The following SPG11 variants were observed in gnomAD, a reference collection of about 807,000 sequenced individuals.
SPG11 encodes SPG11 vesicle trafficking associated, spatacsin, also known as spatacsin.
SPG11 carries 222 observed loss-of-function variants against 274.0 expected under a neutral mutation model. The observed-to-expected ratio is 0.81, with a 90% CI of 0.73 to 0.91. The LOEUF (loss-of-function observed/expected upper bound fraction) is 0.91. Ranked by LOEUF, SPG11 falls within the 40% of genes least tolerant of loss-of-function variation. SPG11 has a pLI of 0.00. For synonymous variants in SPG11, 1,144 were observed against 1,039.7 expected (o/e 1.10, Z -1.93); for missense variants, 3,114 against 2,872.7 (o/e 1.08, Z -1.92).
At chr15:44,617,838 G>A (rs2141019250) in intron 15 of SPG11, among the ~76,000 whole-genome samples, 1 of 152,092 alleles carries the variant, frequency 6.6e-6, no homozygotes, top group Admixed American at 6.5e-5. Context: ...ACCACGCCCA[G>A]CTAATTTTTG....
chr15:44,651,752 G>C lies in SPG11; in HGVS notation c.1195C>G (p.Leu399Val). The change falls in exon 6 of 40, where the codon CTA becomes GTA. Residue 399 changes from leucine (L) to valine (V), a missense_variant. Physicochemically the swap from Leu to Val is conservative, Grantham distance 32. Transcript: ENST00000261866. Reference sequence around the variant, plus strand: ...CTGGTCTTGGCATGATCTTTCTGTAGAACATTATATTGCCCATGCATTATG... The same window carrying C: ...CTGGTCTTGGCATGATCTTTCTGTACAACATTATATTGCCCATGCATTATG... ...QDIMHGQYNV[L>V]QKDHAKTSDP... The C allele has an allele frequency of 6.2e-7, 1 of 1,614,160 alleles. No individual in the cohort carries two copies. The highest frequency in any genetic ancestry group is 8.5e-7 in the Non-Finnish European group (1 of 1,180,038).
chr15:44,618,913 G>C (rs1374087065), intron 15 of SPG11, among the ~76,000 whole-genome samples: 1 of 151,996 alleles, frequency 6.6e-6, no homozygotes, highest in African/African-American at 2.4e-5. Context: ...ATGCTTTTCT[G>C]TATCTAACAG....
At position 44,600,595 on chromosome 15, in the gene SPG11, G is replaced by C. The variant is rs201902382; in HGVS notation, c.3558C>G (p.Asp1186Glu). Residue 1186 changes from aspartate to glutamate, a missense_variant, in exon 21 of 40, where the codon GAC becomes GAG. Transcript: ENST00000261866. ...WSHLPHFSSPDLVNKYAIVER... is the reference protein window; with the variant it reads ...WSHLPHFSSPELVNKYAIVER... ...CCACTATAGCATATTTATTAACCAG[G>C]TCAGGGCTAGAGAAATGTGGGAGAT... is the stretch of plus-strand genomic sequence containing the variant. The C allele has an allele frequency of 4.2e-5, 68 of 1,614,012 alleles. No individual in the cohort carries two copies. Among genetic ancestry groups the C allele is most frequent in the Admixed American group, 2.7e-4 (16 of 59,994 alleles).
chr15:44,624,743 A>T (rs1052388764), intron 11 of SPG11, among the ~76,000 whole-genome samples: 4 of 152,214 alleles, frequency 2.6e-5, no homozygotes, highest in African/African-American at 7.2e-5. Context: ...TAATTTTTTC[A>T]CAATGTACAT....
Position 44,633,625 on chromosome 15 carries a change from T to C in SPG11, c.1615A>G (p.Asn539Asp), listed in dbSNP as rs766052035. ...PIHALEAGIE[N>D]RQLDTVNFFL... ...AAATTTACTGTGTCCAGCTGACGAT[T>C]TTCTATCCCGGCCTGAAATGAGGAG... The change falls in exon 8 of 40, where the codon AAT becomes GAT. Residue 539 changes from asparagine (N) to aspartate (D), a missense_variant. Coordinates refer to ENST00000261866, the MANE Select transcript of SPG11 (RefSeq NM_025137.4). The C allele has an allele frequency of 6.2e-7, 1 of 1,613,542 alleles. No individual in the cohort carries two copies. The highest frequency in any genetic ancestry group is 2.2e-5 in the East Asian group (1 of 44,842).
In SPG11 at chr15:44,606,100, G is replaced by C. The variant is rs769084328; in HGVS notation, c.3454-9C>G. 36 of 1,612,904 alleles carry C rather than the reference G, an allele frequency of 2.2e-5. No homozygotes were observed. The highest frequency in any genetic ancestry group is 3.0e-5 in the Non-Finnish European group (35 of 1,179,392). On this transcript the variant is annotated splice_polypyrimidine_tract_variant and intron_variant, in intron 19 of 39. Coordinates refer to ENST00000261866, the MANE Select transcript of SPG11 (RefSeq NM_025137.4). Reference sequence around the variant, plus strand: ...TCAAAGGGTGATAATGACTGAAAAAGGGGAAAAGTTAAACAGAATTAGAAG... The same window carrying C: ...TCAAAGGGTGATAATGACTGAAAAACGGGAAAAGTTAAACAGAATTAGAAG...
At chr15:44,589,103 T>C (rs1263496911) in intron 28 of SPG11, 149 bp downstream of exon 28, 6 of 733,718 alleles carry the variant, frequency 8.2e-6, no homozygotes, top group Non-Finnish European at 1.4e-5. Flanking sequence ...TAACCACAAT[T>C]TAAAGTTCTC....
chr15:44,616,031 A>G (rs978685067), intron 15 of SPG11, among the ~76,000 whole-genome samples: 6 of 152,166 alleles, frequency 3.9e-5, no homozygotes, highest in African/African-American at 1.4e-4. Context: ...TACATCATAT[A>G]TACCAAAGGA....
chr15:44,626,428 T>C lies in SPG11; in HGVS notation c.2147A>G (p.Gln716Arg), dbSNP rs2141037997. ...TATGCCAATAAGCTCCTCAAGTTTT[T>C]GAGCAGAATGACTATCAATCCTGAA... Reference protein sequence around the residue: ...TFFRIDSHSAQKLEELIGIGL... With the variant: ...TFFRIDSHSARKLEELIGIGL... Residue 716 changes from glutamine (Q) to arginine (R), a missense_variant, in exon 11 of 40, where the codon CAA (glutamine) becomes CGA (arginine). Physicochemically the swap from Gln to Arg is conservative, Grantham distance 43. Coordinates refer to ENST00000261866, the MANE Select transcript of SPG11 (RefSeq NM_025137.4). The C allele has an allele frequency of 1.2e-6, 2 of 1,614,062 alleles. No homozygotes were observed. The highest frequency in any genetic ancestry group is 8.5e-7 in the Non-Finnish European group (1 of 1,179,976).
chr15:44,659,088 C>T lies in SPG11; in HGVS notation c.658G>A (p.Gly220Ser). Residue 220 changes from glycine to serine, a missense_variant, in exon 3 of 40, where the codon GGC becomes AGC. By Grantham distance (56) the Gly-to-Ser change is moderately conservative (BLOSUM62 0). Coordinates refer to ENST00000261866, the MANE Select transcript of SPG11 (RefSeq NM_025137.4). ...RGILFVLSSL[G>S]WIYIFDVVDG... is the part of the protein sequence containing the mutation. ...CTACCACCAAGGATACAGATCCAGC[C>T]TAAACTACTCAAAACAAAAAGAATT... 4 of 1,614,108 alleles carry T rather than the reference C, an allele frequency of 2.5e-6. No homozygotes were observed. Among genetic ancestry groups the T allele is most frequent in the Non-Finnish European group, 3.4e-6 (4 of 1,179,986 alleles).
intron 7 of SPG11, 35 bp from the exon 8 acceptor site, chr15:44,633,672 A>G (rs1002867218): frequency 6.2e-7 from 1 of 1,603,652 alleles, no homozygotes; most frequent in Admixed American, 1.7e-5. Flanking sequence ...TCAGAAAAAA[A>G]TTACAATAGG....
intron 14 of SPG11, 30 bp downstream of exon 14, chr15:44,621,729 T>C (rs769637421): frequency 1.0e-5 from 16 of 1,598,306 alleles, no homozygotes; most frequent in Non-Finnish European, 1.3e-5. Context: ...TCATTCAGTA[T>C]GTTCATATTT....
chr15:44,601,364 G>A (rs1295361221), intron 20 of SPG11, among the ~76,000 whole-genome samples: 1 of 151,718 alleles, frequency 6.6e-6, no homozygotes, highest in African/African-American at 2.4e-5. Flanking sequence ...GGGCTCAGGT[G>A]ATCCTCCCAC....
At chr15:44,643,267 C>A (rs556572860) in intron 7 of SPG11, among the ~76,000 whole-genome samples, 117 of 152,116 alleles carry the variant, frequency 7.7e-4, no homozygotes, top group Non-Finnish European at 1.2e-3. Context: ...ATGGGGCTAA[C>A]AGTATTAATA....
intron 2 of SPG11, 138 bp downstream of exon 2, chr15:44,660,294 A>G: frequency 1.4e-6 from 1 of 696,784 alleles, no homozygotes; most frequent in Non-Finnish European, 2.5e-6. Flanking sequence ...TCAAGTGCTC[A>G]ATAGCCCCAT....
intron 23 of SPG11, 167 bp from the exon 24 acceptor site, chr15:44,597,110 CTTT>C (rs201600828): frequency 0.014 from 4,550 of 335,408 alleles, no homozygotes; most frequent in East Asian, 0.02. Flanking sequence ...AAAGTAGATT[CTTT>C]TTTTTTTTTT....
chr15:44,608,151 T>C (rs147255468), intron 19 of SPG11, among the ~76,000 whole-genome samples: 121 of 152,348 alleles, frequency 7.9e-4, no homozygotes, highest in African/African-American at 2.6e-3. Context: ...TCTATGTTCC[T>C]GGTTCCCATT....
At chr15:44,652,361 G>T in intron 4 of SPG11, 95 bp from the exon 5 acceptor site, 1 of 1,327,450 alleles carries the variant, frequency 7.5e-7, no homozygotes, top group Non-Finnish European at 1.1e-6. Context: ...AGATTACAGA[G>T]AAGGAATAGT....
intron 11 of SPG11, 84 bp from the exon 12 acceptor site, chr15:44,622,883 A>G (rs1193666196): frequency 2.1e-6 from 2 of 938,466 alleles, no homozygotes; most frequent in Admixed American, 1.7e-5. Context: ...ATACAGAAAC[A>G]CCCTATTATA....
Sources: gnomAD v4.1 joint callset for allele counts (sites outside exome capture counted in the v4.1 genomes callset) on GRCh38, gnomAD v4.1.1 for gene constraint, MANE v1.5 for transcripts, NCBI Gene and HGNC (gene_info 2026-07-23, HGNC 2026-07-21) for gene names.